The following GNRHR variants were observed in gnomAD, a reference collection of about 807,000 sequenced individuals.
The protein encoded by GNRHR is gonadotropin-releasing hormone receptor.
In GNRHR, 14 loss-of-function variants were observed where a neutral mutation model predicts 28.1. The observed-to-expected ratio is 0.50, with a 90% confidence interval of 0.33 to 0.78. The LOEUF (loss-of-function observed/expected upper bound fraction) is 0.78, where lower values mean the gene tolerates loss of function less well. Ranked by LOEUF, GNRHR falls within the 30% of genes least tolerant of loss-of-function variation. GNRHR has a pLI of 0.02. For synonymous variants in GNRHR, 141 were observed against 140.5 expected (o/e 1.00, Z -0.02); for missense variants, 366 against 382.1 (o/e 0.96, Z 0.35).
chr4:67,745,682 A>C (rs2109983834), intron 1 of GNRHR, among the ~76,000 whole-genome samples: 1 of 152,244 alleles, frequency 6.6e-6, no homozygotes, highest in East Asian at 1.9e-4. Flanking sequence ...TATTCATTGT[A>C]AGGAATACAA....
intron 1 of GNRHR, among the ~76,000 whole-genome samples, chr4:67,749,600 T>C (rs1282160846): frequency 6.6e-6 from 1 of 152,040 alleles, no homozygotes; most frequent in East Asian, 1.9e-4. Context: ...TGCTGCTTTT[T>C]CTTTTCCTCC....
chr4:67,738,525 T>C lies in GNRHR; in HGVS notation c.*1955A>G, dbSNP rs959510573. On this transcript the variant is annotated 3_prime_UTR_variant, in exon 3 of 3. Transcript: ENST00000226413. ...GCACACAAGAAGAACCAAGCTGAGA[T>C]ACATTCGTTAACACGTGTGTGATAA... 6.6e-6 allele frequency among the ~76,000 whole-genome samples: 1 copy of C among 151,946 alleles called. No individual in the cohort carries two copies. The highest frequency in any genetic ancestry group is 2.4e-5 in the African/African-American group (1 of 41,438).
chr4:67,741,133 T>A (rs2109981596), intron 2 of GNRHR, among the ~76,000 whole-genome samples: 1 of 152,236 alleles, frequency 6.6e-6, no homozygotes, highest in East Asian at 1.9e-4. Context: ...AGTTCTGAGA[T>A]CTCGGTGGAC....
At chr4:67,745,353 G>C (rs1731736176) in intron 1 of GNRHR, among the ~76,000 whole-genome samples, 1 of 151,296 alleles carries the variant, frequency 6.6e-6, no homozygotes, top group Non-Finnish European at 1.5e-5. Flanking sequence ...GCCAAATCTG[G>C]GGCAGTTTAA....
At chr4:67,749,691 CTTCGTTCCTTCCTTCT>C (rs201686515) in intron 1 of GNRHR, among the ~76,000 whole-genome samples, 2,969 of 150,110 alleles carry the variant, frequency 0.02, 65 homozygotes, top group East Asian at 0.1. Flanking sequence ...GCCTCCTTTC[CTTCGTTCCTTCCTTCT>C]TTCCTTCCTT....
intron 1 of GNRHR, among the ~76,000 whole-genome samples, chr4:67,753,171 C>T (rs1011072564): frequency 1.3e-5 from 2 of 152,132 alleles, no homozygotes; most frequent in Admixed American, 1.3e-4. Flanking sequence ...TAAGCTGCCT[C>T]CAGCAAAACT....
chr4:67,740,800 G>A (rs1437738450), intron 2 of GNRHR, 76 bp from the exon 3 acceptor site: 2 of 1,007,416 alleles, frequency 2.0e-6, no homozygotes, highest in Middle Eastern at 4.1e-4. Context: ...AAGGAAGACA[G>A]CATCACTAAT....
Position 67,750,845 on chromosome 4 carries a change from T to C in GNRHR, c.522+2969A>G, listed in dbSNP as rs193163864. 8.5e-4 allele frequency among the ~76,000 whole-genome samples: 129 copies of C among 152,252 alleles called. 1 individual carries two copies. The highest frequency in any genetic ancestry group is 2.9e-3 in the African/African-American group (121 of 41,576). ...CTTTGTCAATTACATTTTTTATAAT[T>C]GACCACAGAGCATGGTGAAGCATGA... On this transcript the variant is annotated intron_variant, in intron 1 of 2. Coordinates refer to ENST00000226413, the MANE Select transcript of GNRHR (RefSeq NM_000406.3).
intron 1 of GNRHR, among the ~76,000 whole-genome samples, chr4:67,750,881 T>C (rs1219662189): frequency 6.6e-6 from 1 of 152,188 alleles, no homozygotes; most frequent in Non-Finnish European, 1.5e-5. Flanking sequence ...GACACACTCA[T>C]CATGCATCAC....
chr4:67,742,395 G>A (rs1731676931), intron 2 of GNRHR, among the ~76,000 whole-genome samples: 1 of 152,126 alleles, frequency 6.6e-6, no homozygotes, highest in African/African-American at 2.4e-5. Context: ...CTGCCACTAA[G>A]GATAGTAAGT....
chr4:67,740,361 A>C lies in GNRHR; in HGVS notation c.*119T>G. ...TGAGTTTCTAAAAGAATGATAACTT[A>C]AGTGTAAATCCTACTTTGTTTGTAT... On this transcript the variant is annotated 3_prime_UTR_variant, in exon 3 of 3. Coordinates refer to ENST00000226413, the MANE Select transcript of GNRHR (RefSeq NM_000406.3). 1 of 775,596 alleles carries C rather than the reference A, an allele frequency of 1.3e-6. No homozygotes were observed. The highest frequency in any genetic ancestry group is 2.0e-5 in the Admixed American group (1 of 49,240). 48.0% of individuals were successfully genotyped at this position (775,596 alleles called of 1,614,324 possible).
intron 1 of GNRHR, among the ~76,000 whole-genome samples, chr4:67,745,875 A>G (rs570472660): frequency 6.6e-6 from 1 of 152,096 alleles, no homozygotes; most frequent in Non-Finnish European, 1.5e-5. Context: ...ACTGAGAGAC[A>G]TTTTACAAAA....
At chr4:67,743,442 C>T (rs769088863) in intron 2 of GNRHR, among the ~76,000 whole-genome samples, 2 of 152,174 alleles carry the variant, frequency 1.3e-5, no homozygotes, top group Non-Finnish European at 2.9e-5. Context: ...TATGACTTTT[C>T]TGCTAGACTG....
intron 2 of GNRHR, among the ~76,000 whole-genome samples, chr4:67,744,018 T>C (rs1432618949): frequency 6.6e-6 from 1 of 152,230 alleles, no homozygotes; most frequent in East Asian, 1.9e-4. Context: ...TTATAAATTT[T>C]AGTTTTTGGG....
At position 67,754,134 on chromosome 4, in the gene GNRHR, C is replaced by T. The variant is rs750467186; in HGVS notation, c.202G>A (p.Glu68Lys). ...LKLQKWTQKKEKGKKLSRMKL... is the reference protein window; with the variant it reads ...LKLQKWTQKKKKGKKLSRMKL... ...ATTCTTGAGAGCTTTTTCCCTTTCT[C>T]TTTCTTCTGTGTCCACTTCTGAAGT... Residue 68 changes from glutamate (E) to lysine (K), a missense_variant, in exon 1 of 3, where the codon GAG becomes AAG. Physicochemically the swap from Glu to Lys is moderately conservative, Grantham distance 56 (BLOSUM62 1). Coordinates refer to ENST00000226413, the MANE Select transcript of GNRHR (RefSeq NM_000406.3). The T allele has an allele frequency of 6.2e-6, 10 of 1,613,998 alleles. No homozygotes were observed. Among genetic ancestry groups the T allele is most frequent in the Non-Finnish European group, 7.6e-6 (9 of 1,179,970 alleles).
intron 1 of GNRHR, among the ~76,000 whole-genome samples, chr4:67,746,896 G>T (rs541975821): frequency 6.6e-6 from 1 of 152,042 alleles, no homozygotes; most frequent in African/African-American, 2.4e-5. Context: ...CCACTAGAGG[G>T]CGTCTAATAA....
chr4:67,744,870 A>G, intron 1 of GNRHR, 83 bp from the exon 2 acceptor site: 2 of 796,820 alleles, frequency 2.5e-6, no homozygotes, highest in Non-Finnish European at 4.4e-6. Flanking sequence ...CTAGCCTTCT[A>G]ACATGTTACC....
At chr4:67,742,518 A>G (rs571556363) in intron 2 of GNRHR, among the ~76,000 whole-genome samples, 10 of 152,340 alleles carry the variant, frequency 6.6e-5, no homozygotes, top group African/African-American at 2.2e-4. Flanking sequence ...ATTAAAGTTC[A>G]TAGGTTACAC....
intron 2 of GNRHR, 141 bp from the exon 3 acceptor site, chr4:67,740,865 T>C: frequency 4.4e-6 from 3 of 675,208 alleles, no homozygotes; most frequent in Admixed American, 4.8e-5. Flanking sequence ...ATAATTTGTT[T>C]GAAAAGCATG....
Sources: allele counts gnomAD v4.1 joint callset (sites outside exome capture counted in the v4.1 genomes callset), GRCh38; gene constraint gnomAD v4.1.1; transcripts MANE v1.5; gene names NCBI Gene and HGNC (gene_info 2026-07-23, HGNC 2026-07-21).